The following INVS variants were observed in gnomAD, a reference collection of about 807,000 sequenced individuals.
INVS encodes inversin.
Under a neutral mutation model 108.8 loss-of-function variants are expected in INVS, and 86 were observed. That is an observed-to-expected ratio of 0.79 (90% CI 0.66 to 0.95). The LOEUF (loss-of-function observed/expected upper bound fraction) is 0.95, where lower values mean the gene tolerates loss of function less well. Ranked by LOEUF, INVS falls within the 40% of genes least tolerant of loss-of-function variation. The pLI, the probability that INVS is intolerant of heterozygous loss-of-function variation, is 0.00. For missense variants in INVS, 1,169 were observed against 1,297.4 expected, an observed-to-expected ratio of 0.90 and a Z score of 1.52; for synonymous variants, 455 against 473.5, an observed-to-expected ratio of 0.96 and a Z score of 0.51.
At position 100,137,234 on chromosome 9, in the gene INVS, T is replaced by G. The variant is rs563686029; in HGVS notation, c.273+10685T>G. 2.0e-5 allele frequency among the ~76,000 whole-genome samples: 3 copies of G among 152,262 alleles called. No individual in the cohort carries two copies. The South Asian group carries it at 6.2e-4, about 32-fold the overall frequency. On this transcript the variant is annotated intron_variant, in intron 3 of 16. Transcript: ENST00000262457. ...CAAGGAGTTCTAGGTTTTCTTTTGATTAGAGGGAGATGTTTTGTCCCTAAA... is the reference window on the plus strand; with the variant it reads ...CAAGGAGTTCTAGGTTTTCTTTTGAGTAGAGGGAGATGTTTTGTCCCTAAA...
At chr9:100,137,148 A>G (rs754698298) in intron 3 of INVS, among the ~76,000 whole-genome samples, 3 of 152,238 alleles carry the variant, frequency 2.0e-5, no homozygotes, top group Non-Finnish European at 4.4e-5. Flanking sequence ...TTGACAATCA[A>G]TTATAAAATA....
In INVS at chr9:100,126,366, G is replaced by A. The variant is rs1181340255; in HGVS notation, c.107-17G>A. 1 of 1,597,632 alleles carries A rather than the reference G, an allele frequency of 6.3e-7. No individual in the cohort carries two copies. The highest frequency in any genetic ancestry group is 1.7e-5 in the Admixed American group (1 of 59,930). ...TAACAATTATCAAATATCACTATCT[G>A]TTTCTTATCCTTATAGGAAACTCTG... On this transcript the variant is annotated splice_polypyrimidine_tract_variant and intron_variant, in intron 2 of 16. Transcript: ENST00000262457.
intron 2 of INVS, among the ~76,000 whole-genome samples, chr9:100,110,281 G>A (rs987041543): frequency 2.0e-5 from 3 of 152,092 alleles, no homozygotes; most frequent in Non-Finnish European, 4.4e-5. Context: ...AAGAGTTTGG[G>A]GTATTAGTAT....
At chr9:100,115,559 G>T (rs1465153240) in intron 2 of INVS, among the ~76,000 whole-genome samples, 4 of 152,108 alleles carry the variant, frequency 2.6e-5, no homozygotes, top group East Asian at 1.9e-4. Context: ...GCAGTATTTG[G>T]TTTTTTGTCT....
At chr9:100,263,639 T>C (rs924528665) in intron 10 of INVS, among the ~76,000 whole-genome samples, 1 of 152,210 alleles carries the variant, frequency 6.6e-6, no homozygotes, top group Admixed American at 6.5e-5. Flanking sequence ...TTAGCAATCT[T>C]AATTCCATCT....
chr9:100,258,346 G>A (rs540276673), intron 10 of INVS, among the ~76,000 whole-genome samples: 7 of 152,176 alleles, frequency 4.6e-5, no homozygotes, highest in South Asian at 2.1e-4. Flanking sequence ...CAATGGGTTC[G>A]AACATGCTCC....
At chr9:100,286,623 A>C (rs1372805292) in intron 13 of INVS, among the ~76,000 whole-genome samples, 1 of 152,222 alleles carries the variant, frequency 6.6e-6, no homozygotes, top group African/African-American at 2.4e-5. Flanking sequence ...CTTAAGGATT[A>C]TATACTCATG....
At chr9:100,211,663 A>G (rs955971801) in intron 3 of INVS, among the ~76,000 whole-genome samples, 2 of 152,222 alleles carry the variant, frequency 1.3e-5, no homozygotes, top group East Asian at 3.9e-4. Context: ...AGAAGAGTTC[A>G]GCCTTAGAGC....
Position 100,284,311 on chromosome 9 carries a change from T to G in INVS, c.1785-9T>G. ...ATTTTTTCATCTTCTTCTTTGGCTT[T>G]GCTTCCAGAAAGCGAGAGGAAGAAA... On this transcript the variant is annotated splice_polypyrimidine_tract_variant and intron_variant, in intron 12 of 16. Transcript: ENST00000262457. The G allele has an allele frequency of 6.2e-7, 1 of 1,613,224 alleles. No individual in the cohort carries two copies. Among genetic ancestry groups the G allele is most frequent in the Non-Finnish European group, 8.5e-7 (1 of 1,180,040 alleles).
intron 3 of INVS, among the ~76,000 whole-genome samples, chr9:100,169,056 G>A (rs1458944635): frequency 6.6e-6 from 1 of 152,166 alleles, no homozygotes; most frequent in East Asian, 1.9e-4. Context: ...AAATAAGTGA[G>A]ACATTAAACT....
chr9:100,147,478 C>T (rs143884397), intron 3 of INVS, among the ~76,000 whole-genome samples: 2 of 152,250 alleles, frequency 1.3e-5, no homozygotes, highest in African/African-American at 2.4e-5. Context: ...TTTTTCTCAC[C>T]TATTGCCTCA....
At chr9:100,217,534 C>A (rs1387578264) in intron 3 of INVS, among the ~76,000 whole-genome samples, 7 of 152,250 alleles carry the variant, frequency 4.6e-5, no homozygotes, top group African/African-American at 1.7e-4. Flanking sequence ...AGTTTCCCTC[C>A]CCTCCAAGGA....
intron 14 of INVS, among the ~76,000 whole-genome samples, chr9:100,296,496 C>T (rs575914549): frequency 9.2e-5 from 14 of 152,336 alleles, no homozygotes; most frequent in South Asian, 2.1e-4. Flanking sequence ...AGTTCTGCTA[C>T]GTAGAATGCC....
At chr9:100,178,207 C>A (rs1829775992) in intron 3 of INVS, among the ~76,000 whole-genome samples, 1 of 152,006 alleles carries the variant, frequency 6.6e-6, no homozygotes, top group Non-Finnish European at 1.5e-5. Context: ...TTCCAAAAAC[C>A]AGAACACCTC....
At chr9:100,283,932 G>A (rs1439538569) in intron 12 of INVS, among the ~76,000 whole-genome samples, 3 of 152,032 alleles carry the variant, frequency 2.0e-5, no homozygotes, top group Admixed American at 2.0e-4. Flanking sequence ...TGTCATTCTC[G>A]GTAGCATTCT....
At chr9:100,154,775 T>A (rs1323739227) in intron 3 of INVS, among the ~76,000 whole-genome samples, 1 of 151,772 alleles carries the variant, frequency 6.6e-6, no homozygotes, top group Non-Finnish European at 1.5e-5. Context: ...GAAGAGTAAA[T>A]GAAAAATGAA....
At chr9:100,137,083 G>A (rs981760472) in intron 3 of INVS, among the ~76,000 whole-genome samples, 2 of 152,120 alleles carry the variant, frequency 1.3e-5, no homozygotes, top group African/African-American at 2.4e-5. Context: ...TACACAGTAG[G>A]AAAGTTTGTT....
In INVS at chr9:100,100,649, TATATAATATATATATTATATATGTAC is replaced by T. The variant is rs1564111230; in HGVS notation, c.-25+1280_-25+1305del. On this transcript the variant is annotated intron_variant, in intron 1 of 16. Transcript: ENST00000262457. ...ATATAATATATATATTATATATGTA[TATATAATATATATATTATATATGTAC>T]ATATAATATATATATTATATATGTA... Among the ~76,000 whole-genome samples, 353 of 42,560 alleles carry T rather than the reference TATATAATATATATATTATATATGTAC, an allele frequency of 8.3e-3. 19 individuals carry two copies. Among genetic ancestry groups the T allele is most frequent in the Non-Finnish European group, 0.01 (285 of 27,576 alleles). The allele number at this position is 42,560 out of a possible 152,430, so 27.9% of individuals were successfully genotyped here.
rs376640231 is a variant in INVS, at chr9:100,158,116, C to T, written c.273+31567C>T. ...TGTATTGCTTTTATTTGGGAAGTTT[C>T]CTATTTGTAAAGAATGATAGTTTTT... On this transcript the variant is annotated intron_variant, in intron 3 of 16. Transcript: ENST00000262457. 2.0e-3 allele frequency among the ~76,000 whole-genome samples: 311 copies of T among 152,144 alleles called. 1 individual carries two copies. The highest frequency in any genetic ancestry group is 7.2e-3 in the African/African-American group (297 of 41,508).
Sources: allele counts gnomAD v4.1 joint callset (sites outside exome capture counted in the v4.1 genomes callset), GRCh38; gene constraint gnomAD v4.1.1; transcripts MANE v1.5; gene names NCBI Gene and HGNC (gene_info 2026-07-23, HGNC 2026-07-21).